The following LINGO2 variants were observed in gnomAD, a reference collection of about 807,000 sequenced individuals.
LINGO2 encodes leucine rich repeat and Ig domain containing 2, also known as leucine-rich repeat and immunoglobulin-like domain-containing nogo receptor-interacting protein 2.
In LINGO2, 14 loss-of-function variants were observed where a neutral mutation model predicts 30.6. That is an observed-to-expected ratio of 0.46 (90% CI 0.30 to 0.72). The LOEUF is 0.72. Ranked by LOEUF, LINGO2 falls within the 30% of genes least tolerant of loss-of-function variation. The pLI, the probability that LINGO2 is intolerant of heterozygous loss-of-function variation, is 0.07. For missense variants in LINGO2, 729 were observed against 751.7 expected (o/e 0.97, Z 0.35); for synonymous variants, 317 against 288.5 (o/e 1.10, Z -1.00).
chr9:27,949,880 T>C, exon 6 of LINGO2: 3 of 1,613,722 alleles, frequency 1.9e-6, no homozygotes, highest in South Asian at 2.2e-5. Flanking sequence ...CAAGGAAGGG[T>C]ACAGTAGACA....
At chr9:28,138,633 A>G (rs1331027403) in intron 4 of LINGO2, among the ~76,000 whole-genome samples, 1 of 152,162 alleles carries the variant, frequency 6.6e-6, no homozygotes, top group Non-Finnish European at 1.5e-5. Context: ...CTAATCATGA[A>G]TTTTATTCCA....
the LINGO2 span, among the ~76,000 whole-genome samples, chr9:28,919,841 T>C: frequency 6.6e-6 from 1 of 152,250 alleles, no homozygotes; most frequent in South Asian, 2.1e-4. Flanking sequence ...CTTTAAACAT[T>C]ATATCCTTTT....
At chr9:28,682,599 T>C in the LINGO2 span, among the ~76,000 whole-genome samples, 1 of 152,144 alleles carries the variant, frequency 6.6e-6, no homozygotes, top group African/African-American at 2.4e-5. Flanking sequence ...CGATTATAGA[T>C]GTAATTCTGT....
chr9:28,137,813 A>G (rs1285344474), intron 4 of LINGO2, among the ~76,000 whole-genome samples: 1 of 152,172 alleles, frequency 6.6e-6, no homozygotes, highest in Non-Finnish European at 1.5e-5. Flanking sequence ...TTATTTAAAC[A>G]TGTATTTTGG....
At chr9:28,062,795 G>C (rs962775425) in intron 4 of LINGO2, among the ~76,000 whole-genome samples, 3 of 151,160 alleles carry the variant, frequency 2.0e-5, no homozygotes. Context: ...GGTTTCTTCA[G>C]TTTTTTGGTA....
the LINGO2 span, among the ~76,000 whole-genome samples, chr9:28,768,643 C>CAG: frequency 6.6e-6 from 1 of 151,786 alleles, no homozygotes; most frequent in Non-Finnish European, 1.5e-5. Context: ...CACACACACA[C>CAG]ACACACACAC....
At position 28,097,946 on chromosome 9, in the gene LINGO2, A is replaced by G. The variant is rs138720909; in HGVS notation, c.-86-85541T>C. Among the ~76,000 whole-genome samples, 347 of 152,284 alleles carry G rather than the reference A, an allele frequency of 2.3e-3. 1 individual carries two copies. Among genetic ancestry groups the G allele is most frequent in the African/African-American group, 7.9e-3 (330 of 41,556 alleles). On this transcript the variant is annotated intron_variant, in intron 4 of 5. Transcript: ENST00000379992. Reference sequence around the variant, plus strand: ...TACCTAGTTTAAGGAAAGTCTGCCAACAGGCCTTGCTTAGCCAATGCTTCT... The same window carrying G: ...TACCTAGTTTAAGGAAAGTCTGCCAGCAGGCCTTGCTTAGCCAATGCTTCT...
intron 3 of LINGO2, among the ~76,000 whole-genome samples, chr9:28,304,775 A>G (rs1235556744): frequency 1.3e-5 from 2 of 152,062 alleles, no homozygotes; most frequent in Non-Finnish European, 2.9e-5. Context: ...TAGAAAACCT[A>G]CTGGCACCCA....
At chr9:29,190,025 T>C in the LINGO2 span, among the ~76,000 whole-genome samples, 1 of 15,160 alleles carries the variant, frequency 6.6e-5, no homozygotes, top group Non-Finnish European at 1.2e-4. Context: ...AGGGAGACCG[T>C]GGGGAGGGAG....
chr9:28,422,113 G>T (rs1280304340), intron 2 of LINGO2, among the ~76,000 whole-genome samples: 1 of 151,940 alleles, frequency 6.6e-6, no homozygotes, highest in Non-Finnish European at 1.5e-5. Context: ...ATGATTTCTT[G>T]GTTGTGACAC....
chr9:28,782,913 T>C, the LINGO2 span, among the ~76,000 whole-genome samples: 1 of 152,178 alleles, frequency 6.6e-6, no homozygotes, highest in Non-Finnish European at 1.5e-5. Flanking sequence ...CTAGGCTATA[T>C]GGTATAGCCT....
chr9:29,154,702 C>G, the LINGO2 span, among the ~76,000 whole-genome samples: 1 of 152,100 alleles, frequency 6.6e-6, no homozygotes, highest in Admixed American at 6.5e-5. Flanking sequence ...GCATTTTGTG[C>G]TATGGAATCC....
chr9:28,763,712 T>C, the LINGO2 span, among the ~76,000 whole-genome samples: 2 of 151,210 alleles, frequency 1.3e-5, no homozygotes, highest in Admixed American at 1.3e-4. Flanking sequence ...AGAGAATCTA[T>C]AAGGGAAATA....
the LINGO2 span, among the ~76,000 whole-genome samples, chr9:28,906,898 C>T: frequency 1.6e-3 from 245 of 151,814 alleles, 1 homozygote; most frequent in South Asian, 2.9e-3. Context: ...GTGTGTGGTC[C>T]TCATTATAAA....
intron 4 of LINGO2, among the ~76,000 whole-genome samples, chr9:28,136,871 G>A (rs577999019): frequency 1.3e-5 from 2 of 152,170 alleles, no homozygotes; most frequent in African/African-American, 4.8e-5. Context: ...GCTCTCCCCA[G>A]TGTGGGTGGC....
chr9:27,960,458 T>C (rs1192567646), intron 5 of LINGO2, among the ~76,000 whole-genome samples: 2 of 152,132 alleles, frequency 1.3e-5, no homozygotes. Flanking sequence ...CAGCTATAAT[T>C]TCCCCACAGC....
chr9:28,073,804 G>A lies in LINGO2; in HGVS notation c.-86-61399C>T, dbSNP rs548370066. On this transcript the variant is annotated intron_variant, in intron 4 of 5. Transcript: ENST00000379992. ...GCCCTTTGGGGAGCTGAAGTAGGAGGATGGGTTGAGGCCAGGTGTTCAAGA... is the reference window on the plus strand; with the variant it reads ...GCCCTTTGGGGAGCTGAAGTAGGAGAATGGGTTGAGGCCAGGTGTTCAAGA... 2.0e-5 allele frequency among the ~76,000 whole-genome samples: 3 copies of A among 152,304 alleles called. No individual in the cohort carries two copies. The South Asian group carries it at 6.2e-4, about 32-fold the overall frequency.
the LINGO2 span, among the ~76,000 whole-genome samples, chr9:28,955,168 T>A: frequency 7.1e-6 from 1 of 141,572 alleles, no homozygotes. Flanking sequence ...AATCATAGAG[T>A]CGAAATAGAG....
intron 2 of LINGO2, among the ~76,000 whole-genome samples, chr9:28,418,089 T>C (rs1218779192): frequency 6.6e-6 from 1 of 152,116 alleles, no homozygotes; most frequent in Non-Finnish European, 1.5e-5. Flanking sequence ...CTACTATTTT[T>C]AATGAACAGA....
Sources: gnomAD v4.1 joint callset for allele counts (sites outside exome capture counted in the v4.1 genomes callset) on GRCh38, gnomAD v4.1.1 for gene constraint, MANE v1.5 for transcripts, NCBI Gene and HGNC (gene_info 2026-07-23, HGNC 2026-07-21) for gene names.